Variants in LINGO2 observed in about 807,000 individuals in gnomAD.
LINGO2 encodes the protein leucine rich repeat and Ig domain containing 2, also known as leucine-rich repeat and immunoglobulin-like domain-containing nogo receptor-interacting protein 2.
A neutral mutation model predicts 30.6 loss-of-function variants in LINGO2; 14 were observed. The ratio of observed to expected loss-of-function variants is 0.46; its 90% CI spans 0.30 to 0.72. The LOEUF is 0.72. LINGO2 is among the 30% of genes least tolerant of loss of function. LINGO2 has a pLI of 0.07. For synonymous variants in LINGO2, 317 were observed against 288.5 expected, an observed-to-expected ratio of 1.10 and a Z score of -1.00; for missense variants, 729 against 751.7, an observed-to-expected ratio of 0.97 and a Z score of 0.35.
the LINGO2 span, among the ~76,000 whole-genome samples, chr9:29,160,579 CAATGGT>C: frequency 6.6e-6 from 1 of 151,262 alleles, no homozygotes; most frequent in Non-Finnish European, 1.5e-5. Flanking sequence ...GCCAACATTC[CAATGGT>C]AACATTTGAT....
chr9:29,176,069 T>A, the LINGO2 span, among the ~76,000 whole-genome samples: 1 of 152,158 alleles, frequency 6.6e-6, no homozygotes, highest in Non-Finnish European at 1.5e-5. Context: ...ATCTTTTGTG[T>A]GAGAGACAGA....
At chr9:29,124,189 G>T in the LINGO2 span, among the ~76,000 whole-genome samples, 1 of 152,146 alleles carries the variant, frequency 6.6e-6, no homozygotes, top group Non-Finnish European at 1.5e-5. Flanking sequence ...AAATGATGCT[G>T]GGATAACTGA....
At chr9:29,101,607 T>C in the LINGO2 span, among the ~76,000 whole-genome samples, 20 of 152,258 alleles carry the variant, frequency 1.3e-4, no homozygotes, top group African/African-American at 3.9e-4. Flanking sequence ...CTATTCTCTA[T>C]ATCCACGAGT....
intron 2 of LINGO2, among the ~76,000 whole-genome samples, chr9:28,404,068 A>C (rs536867097): frequency 1.2e-4 from 18 of 152,226 alleles, no homozygotes; most frequent in African/African-American, 4.1e-4. Flanking sequence ...CTTAAAAACC[A>C]AGTAGAAGTT....
At chr9:28,232,419 CAAAAAAAA>C (rs1220539550) in intron 4 of LINGO2, among the ~76,000 whole-genome samples, 1 of 79,802 alleles carries the variant, frequency 1.3e-5, no homozygotes, top group East Asian at 5.0e-4. Context: ...TTCTATCTCA[CAAAAAAAA>C]AAAAAAAAAA....
intron 1 of LINGO2, among the ~76,000 whole-genome samples, chr9:28,547,893 AGTT>A (rs1822035252): frequency 6.6e-6 from 1 of 152,156 alleles, no homozygotes; most frequent in Non-Finnish European, 1.5e-5. Flanking sequence ...TAAGTTTCTA[AGTT>A]GTTATACAAA....
At chr9:28,098,014 G>A (rs1238109158) in intron 4 of LINGO2, among the ~76,000 whole-genome samples, 3 of 151,970 alleles carry the variant, frequency 2.0e-5, no homozygotes, top group African/African-American at 4.8e-5. Flanking sequence ...TTTAAAAATC[G>A]ATACCAAAGT....
At chr9:29,074,361 T>C in the LINGO2 span, among the ~76,000 whole-genome samples, 2 of 152,172 alleles carry the variant, frequency 1.3e-5, no homozygotes, top group African/African-American at 4.8e-5. Context: ...ATAAAAATTA[T>C]ATTTTGCATA....
chr9:28,127,830 T>C (rs1303161327), intron 4 of LINGO2, among the ~76,000 whole-genome samples: 1 of 152,210 alleles, frequency 6.6e-6, no homozygotes, highest in Non-Finnish European at 1.5e-5. Flanking sequence ...AGTGTAGAGT[T>C]TGATGTCAGA....
intron 1 of LINGO2, among the ~76,000 whole-genome samples, chr9:28,650,988 A>G (rs2135971543): frequency 6.6e-6 from 1 of 152,134 alleles, no homozygotes; most frequent in African/African-American, 2.4e-5. Context: ...CAGGAGATCG[A>G]GACCATCCTG....
intron 5 of LINGO2, among the ~76,000 whole-genome samples, chr9:27,987,917 A>T (rs1233304435): frequency 6.6e-6 from 1 of 152,024 alleles, no homozygotes; most frequent in Non-Finnish European, 1.5e-5. Context: ...GGTTTGTTAC[A>T]TATGCATAAT....
chr9:28,539,431 A>G (rs761401474), intron 1 of LINGO2, among the ~76,000 whole-genome samples: 4 of 152,158 alleles, frequency 2.6e-5, no homozygotes, highest in Admixed American at 6.6e-5. Flanking sequence ...ACTTGGTTTC[A>G]AAATATAAAT....
intron 2 of LINGO2, among the ~76,000 whole-genome samples, chr9:28,398,186 A>T (rs755921766): frequency 4.6e-5 from 7 of 152,192 alleles, no homozygotes; most frequent in African/African-American, 9.7e-5. Flanking sequence ...TGGAGGTCAG[A>T]CTATTTAATC....
chr9:28,249,409 G>A (rs1033392099), intron 4 of LINGO2, among the ~76,000 whole-genome samples: 2 of 152,108 alleles, frequency 1.3e-5, no homozygotes, highest in African/African-American at 4.8e-5. Flanking sequence ...AATAACTGCA[G>A]CTAGAAATGT....
At chr9:28,889,860 T>G in the LINGO2 span, among the ~76,000 whole-genome samples, 1 of 152,108 alleles carries the variant, frequency 6.6e-6, no homozygotes, top group Non-Finnish European at 1.5e-5. Context: ...GACCAGGTGT[T>G]AGTCTTTGCA....
chr9:28,932,676 T>A, the LINGO2 span, among the ~76,000 whole-genome samples: 6,250 of 152,084 alleles, frequency 0.041, 197 homozygotes, highest in Admixed American at 0.082. Context: ...CCTCCTATAT[T>A]ATCATTGTAT....
At chr9:28,812,120 T>C in the LINGO2 span, among the ~76,000 whole-genome samples, 2 of 152,040 alleles carry the variant, frequency 1.3e-5, no homozygotes, top group Admixed American at 1.3e-4. Flanking sequence ...AATTAGCGTA[T>C]ATTTAGAATT....
At chr9:28,416,313 T>C (rs1208351042) in intron 2 of LINGO2, among the ~76,000 whole-genome samples, 1 of 152,150 alleles carries the variant, frequency 6.6e-6, no homozygotes, top group Admixed American at 6.6e-5. Context: ...GTAATCATTA[T>C]AATCAACAGC....
the LINGO2 span, among the ~76,000 whole-genome samples, chr9:28,710,494 C>T: frequency 0.14 from 21,101 of 151,894 alleles, 1,671 homozygotes; most frequent in East Asian, 0.31. Flanking sequence ...GAGATATTTA[C>T]GTGACTAAAC....
Sources: gnomAD v4.1 joint callset for allele counts (sites outside exome capture counted in the v4.1 genomes callset) on GRCh38, gnomAD v4.1.1 for gene constraint, MANE v1.5 for transcripts, NCBI Gene and HGNC (gene_info 2026-07-23, HGNC 2026-07-21) for gene names.